Variants in ABR observed in about 807,000 individuals in gnomAD.
ABR encodes the protein ABR activator of RhoGEF and GTPase, also known as active breakpoint cluster region-related protein.
ABR carries 35 observed loss-of-function variants against 107.2 expected under a neutral mutation model. That is an observed-to-expected ratio of 0.33 (90% CI 0.25 to 0.43). The LOEUF (loss-of-function observed/expected upper bound fraction) is 0.43. Ranked by LOEUF, ABR falls within the 20% of genes least tolerant of loss-of-function variation. The probability of loss-of-function intolerance (pLI) is 1.00; values close to 1 mark genes in which losing one functional copy is unlikely to be tolerated. For synonymous variants in ABR, 498 were observed against 462.0 expected (o/e 1.08, Z -1.00); for missense variants, 815 against 1,115.2 (o/e 0.73, Z 3.83).
chr17:1,149,188 C>G (rs2040691198), intron 1 of ABR, among the ~76,000 whole-genome samples: 1 of 151,922 alleles, frequency 6.6e-6, no homozygotes, highest in African/African-American at 2.4e-5. Flanking sequence ...CAGGCGTGAG[C>G]TACCTAGCGC....
intron 2 of ABR, among the ~76,000 whole-genome samples, chr17:1,113,387 A>C (rs976238586): frequency 1.4e-5 from 2 of 145,504 alleles, no homozygotes; most frequent in Non-Finnish European, 3.0e-5. Context: ...CCTCGGTTCA[A>C]CCCATTCTTT....
chr17:1,151,911 T>G (rs927479304), intron 1 of ABR, among the ~76,000 whole-genome samples: 1 of 151,810 alleles, frequency 6.6e-6, no homozygotes, highest in African/African-American at 2.4e-5. Context: ...TCCCAGCACT[T>G]TGAGAGGCCG....
chr17:1,108,042 A>G, intron 2 of ABR, among the ~76,000 whole-genome samples: 1 of 152,164 alleles, frequency 6.6e-6, no homozygotes, highest in East Asian at 1.9e-4. Flanking sequence ...CATGCCTTCT[A>G]GGCCCCGCCG....
intron 1 of ABR, among the ~76,000 whole-genome samples, chr17:1,205,667 A>T (rs1478907823): frequency 2.0e-5 from 3 of 152,184 alleles, no homozygotes; most frequent in Non-Finnish European, 4.4e-5. Context: ...AAAATTGGCC[A>T]GGCGCGGCGG....
chr17:1,177,720 AG>A (rs1480395411), intron 1 of ABR, among the ~76,000 whole-genome samples: 1 of 152,244 alleles, frequency 6.6e-6, no homozygotes, highest in Non-Finnish European at 1.5e-5. Flanking sequence ...GCAAAGAGCC[AG>A]AAACACTCAG....
chr17:1,159,721 G>GGA (rs201441893), intron 1 of ABR, among the ~76,000 whole-genome samples: 6 of 149,924 alleles, frequency 4.0e-5, no homozygotes, highest in African/African-American at 7.5e-5. Context: ...CACGCACAAG[G>GGA]GAAGTATGCG....
intron 1 of ABR, among the ~76,000 whole-genome samples, chr17:1,147,597 G>A (rs1427253699): frequency 6.6e-6 from 1 of 152,066 alleles, no homozygotes; most frequent in Non-Finnish European, 1.5e-5. Context: ...CTGACCTCAG[G>A]TGACCCACCC....
intron 16 of ABR, among the ~76,000 whole-genome samples, chr17:1,020,815 C>T (rs1025557259): frequency 1.2e-4 from 18 of 152,148 alleles, no homozygotes; most frequent in Admixed American, 3.9e-4. Flanking sequence ...CCCTTCCTCT[C>T]GGCTCACCTC....
intron 2 of ABR, among the ~76,000 whole-genome samples, chr17:1,114,149 C>A (rs4392123): frequency 0.63 from 92,381 of 147,296 alleles, 29,011 homozygotes; most frequent in African/African-American, 0.68. Flanking sequence ...CAGACTGGGC[C>A]ACAGAGAAAG....
At position 1,195,134 on chromosome 17, in the gene ABR, C is replaced by T. The variant is rs1276496817; in HGVS notation, c.838+33659G>A. ...CATCCTGGCTAACACGGTGAAACCCCGTCTCTACTAAAAATACAAAAAATT... is the reference window on the plus strand; with the variant it reads ...CATCCTGGCTAACACGGTGAAACCCTGTCTCTACTAAAAATACAAAAAATT... On this transcript the variant is annotated intron_variant, in intron 1 of 22. Coordinates refer to the ABR transcript ENST00000574139. 7.6e-5 allele frequency among the ~76,000 whole-genome samples: 11 copies of T among 144,474 alleles called. No homozygotes were observed. In the South Asian group the frequency reaches 1.8e-3, roughly 24 times the overall value. 94.8% of individuals were successfully genotyped at this position (144,474 alleles called of 152,430 possible).
intron 16 of ABR, among the ~76,000 whole-genome samples, chr17:1,049,627 G>A (rs2032218111): frequency 6.6e-6 from 1 of 152,022 alleles, no homozygotes; most frequent in Non-Finnish European, 1.5e-5. Context: ...AGTCTTTCGG[G>A]CAGAAGAGCA....
intron 1 of ABR, among the ~76,000 whole-genome samples, chr17:1,219,525 T>G (rs1047071414): frequency 6.7e-6 from 1 of 148,162 alleles, no homozygotes; most frequent in Non-Finnish European, 1.5e-5. Flanking sequence ...CCTTATTTTT[T>G]CTTGCCATGG....
At chr17:1,077,635 G>A (rs1034591740) in intron 6 of ABR, among the ~76,000 whole-genome samples, 3 of 152,080 alleles carry the variant, frequency 2.0e-5, no homozygotes, top group Non-Finnish European at 4.4e-5. Flanking sequence ...CAGCACAGCC[G>A]CCCCTGGGAA....
rs1300828776 is a variant in ABR at position 1,179,555 on chromosome 17, G to T, written c.61+112C>A. 1 of 1,183,848 alleles carries T rather than the reference G, an allele frequency of 8.4e-7. No individual in the cohort carries two copies. Among genetic ancestry groups the T allele is most frequent in the Non-Finnish European group, 1.1e-6 (1 of 898,592 alleles). The allele number at this position is 1,183,848 out of a possible 1,614,324, so 73.3% of individuals were successfully genotyped here. On this transcript the variant is annotated intron_variant, in intron 1 of 22. Coordinates refer to ENST00000302538, the MANE Select transcript of ABR (RefSeq NM_021962.5). The surrounding 1 kb of genome is among the most constrained non-coding windows in gnomAD (Gnocchi z 4.9). Reference sequence around the variant, plus strand: ...CCCGCGCTCCCCGGACCAGCCCGGTGCCTGGGTCCCGATCCCGATCTTGGG... The same window carrying T: ...CCCGCGCTCCCCGGACCAGCCCGGTTCCTGGGTCCCGATCCCGATCTTGGG...
intron 16 of ABR, among the ~76,000 whole-genome samples, chr17:1,030,033 C>T (rs553622342): frequency 1.3e-5 from 2 of 152,248 alleles, no homozygotes; most frequent in Non-Finnish European, 2.9e-5. Flanking sequence ...CCACCCTGAG[C>T]TGCACTGACG....
chr17:1,135,818 G>A (rs1176473566), intron 1 of ABR, among the ~76,000 whole-genome samples: 1 of 152,226 alleles, frequency 6.6e-6, no homozygotes, highest in Non-Finnish European at 1.5e-5. Context: ...GGAGGTTGCA[G>A]TGAGGCAAGA....
intron 1 of ABR, among the ~76,000 whole-genome samples, chr17:1,212,984 A>G (rs1259198942): frequency 6.6e-6 from 1 of 152,188 alleles, no homozygotes; most frequent in East Asian, 1.9e-4. Flanking sequence ...CCCTTTTACC[A>G]AACAGCTAAA....
intron 1 of ABR, among the ~76,000 whole-genome samples, chr17:1,223,304 A>AACACACACACACAC (rs56226163): frequency 0.063 from 9,334 of 149,050 alleles, 340 homozygotes; most frequent in South Asian, 0.11. Context: ...AATCAGTAAC[A>AACACACACACACAC]ACACACACAC....
At chr17:1,013,285 G>A (rs78616171) in intron 16 of ABR, 121 bp from the exon 17 acceptor site, 15,282 of 984,178 alleles carry the variant, frequency 0.016, 136 homozygotes, top group Non-Finnish European at 0.02. Context: ...TGAGCAGCTG[G>A]GATAAGCTGA....
Sources: allele counts gnomAD v4.1 joint callset (sites outside exome capture counted in the v4.1 genomes callset), GRCh38; gene constraint gnomAD v4.1.1; non-coding constraint Gnocchi (gnomAD v3.1); transcripts MANE v1.5; gene names NCBI Gene and HGNC (gene_info 2026-07-23, HGNC 2026-07-21).